TTLL8: variants seen among roughly 807,000 people sequenced by gnomAD.
The protein encoded by TTLL8 is protein monoglycylase TTLL8.
TTLL8 carries 65 observed loss-of-function variants against 77.8 expected under a neutral mutation model. That is an observed-to-expected ratio of 0.84 (90% CI 0.68 to 1.03). TTLL8 has a LOEUF of 1.03. Ranked by LOEUF, TTLL8 falls within the 50% of genes least tolerant of loss-of-function variation. The probability of loss-of-function intolerance (pLI) is 0.00; values close to 1 mark genes in which losing one functional copy is unlikely to be tolerated. For synonymous variants in TTLL8, 402 were observed against 422.8 expected (o/e 0.95, Z 0.60); for missense variants, 910 against 1,004.5 (o/e 0.91, Z 1.27).
chr22:50,045,424 G>A (rs772154696), intron 5 of TTLL8, 35 bp from the exon 8 acceptor site: 9 of 1,357,996 alleles, frequency 6.6e-6, no homozygotes, highest in Admixed American at 1.9e-5. Flanking sequence ...CTATCTGTCC[G>A]AGCCAGGACT....
chr22:50,019,408 G>T (rs1168501785), intron 12 of TTLL8, among the ~76,000 whole-genome samples: 1 of 152,226 alleles, frequency 6.6e-6, no homozygotes, highest in East Asian at 1.9e-4. Context: ...ACGCATGTGT[G>T]CTCCCCTCCT....
intron 1 of TTLL8, among the ~76,000 whole-genome samples, chr22:50,053,383 A>G (rs1401592549): frequency 6.6e-6 from 1 of 152,220 alleles, no homozygotes; most frequent in Non-Finnish European, 1.5e-5. Flanking sequence ...ATATAACTAC[A>G]AAAAAGTAAC....
chr22:50,040,268 G>A (rs568684265), intron 8 of TTLL8, among the ~76,000 whole-genome samples: 30 of 150,430 alleles, frequency 2.0e-4, no homozygotes, highest in Admixed American at 6.6e-4. Flanking sequence ...TCCCACATGT[G>A]CCAGCATGGA....
chr22:50,028,539 A>C (rs1404137395), intron 12 of TTLL8, among the ~76,000 whole-genome samples: 2 of 151,984 alleles, frequency 1.3e-5, no homozygotes, highest in African/African-American at 4.8e-5. Flanking sequence ...CGCAGTGGGA[A>C]TCAGGGAGGC....
intron 8 of TTLL8, among the ~76,000 whole-genome samples, chr22:50,035,837 A>G (rs561047393): frequency 6.6e-6 from 1 of 152,320 alleles, no homozygotes; most frequent in East Asian, 1.9e-4. Flanking sequence ...AATCCCTCAC[A>G]GCCTCCCAGG....
At chr22:50,019,738 C>T (rs2061184341) in intron 12 of TTLL8, among the ~76,000 whole-genome samples, 1 of 152,216 alleles carries the variant, frequency 6.6e-6, no homozygotes, top group African/African-American at 2.4e-5. Flanking sequence ...CCTTCTCGGA[C>T]TCCTGAGCCA....
At chr22:50,033,875 A>G (rs1221400803) in intron 9 of TTLL8, among the ~76,000 whole-genome samples, 2 of 152,098 alleles carry the variant, frequency 1.3e-5, no homozygotes, top group African/African-American at 4.8e-5. Context: ...TCTCTACTAA[A>G]AATACAAAAA....
chr22:50,032,555 G>A (rs1437940286), intron 10 of TTLL8, among the ~76,000 whole-genome samples: 2 of 152,202 alleles, frequency 1.3e-5, no homozygotes, highest in Non-Finnish European at 2.9e-5. Flanking sequence ...CGCTCGCCTG[G>A]GCCGGAGTTA....
chr22:50,031,064 CCCA>C, intron 11 of TTLL8, 139 bp from the exon 13 acceptor site: 2 of 724,108 alleles, frequency 2.8e-6, no homozygotes, highest in Non-Finnish European at 3.8e-6. Context: ...CACCTGGGGT[CCCA>C]CGCAGACCCC....
chr22:50,052,509 C>T (rs1191016376), intron 1 of TTLL8, among the ~76,000 whole-genome samples: 2 of 152,126 alleles, frequency 1.3e-5, no homozygotes, highest in Admixed American at 6.5e-5. Flanking sequence ...ATGAAGATAA[C>T]AGACACACCT....
At chr22:50,051,340 T>C (rs941458771) in intron 1 of TTLL8, among the ~76,000 whole-genome samples, 6 of 152,248 alleles carry the variant, frequency 3.9e-5, no homozygotes, top group African/African-American at 1.2e-4. Context: ...TTCAGCTCCA[T>C]CCAGGTTGCT....
chr22:50,055,558 G>C (rs775512823), upstream of TTLL8, among the ~76,000 whole-genome samples: 32 of 152,142 alleles, frequency 2.1e-4, no homozygotes, highest in Middle Eastern at 3.4e-3. Context: ...GGAAGGCTGA[G>C]GCAGGCGAAT....
chr22:50,031,710 G>A (rs1474522266), exon 11 of TTLL8: 3 of 1,324,338 alleles, frequency 2.3e-6, no homozygotes, highest in Non-Finnish European at 3.0e-6. Flanking sequence ...GCTCGAAGTT[G>A]CCGATGTCAC....
At chr22:50,024,560 G>T (rs1437397175) in intron 12 of TTLL8, among the ~76,000 whole-genome samples, 2 of 152,220 alleles carry the variant, frequency 1.3e-5, no homozygotes, top group Non-Finnish European at 2.9e-5. Context: ...TGGGAGGAAG[G>T]ATGGTCTTTT....
intron 8 of TTLL8, among the ~76,000 whole-genome samples, chr22:50,037,344 A>G (rs1465528892): frequency 6.6e-6 from 1 of 151,840 alleles, no homozygotes; most frequent in Admixed American, 6.6e-5. Flanking sequence ...AGTAGCTGGG[A>G]CTACAGGCAC....
chr22:50,049,804 C>A (rs566550654), intron 2 of TTLL8, among the ~76,000 whole-genome samples: 84 of 152,194 alleles, frequency 5.5e-4, no homozygotes, highest in African/African-American at 2.0e-3. Flanking sequence ...GGACCTGGGG[C>A]TGGAGGAGGG....
chr22:50,026,255 G>A (rs1031735172), intron 12 of TTLL8, among the ~76,000 whole-genome samples: 12 of 151,956 alleles, frequency 7.9e-5, no homozygotes, highest in African/African-American at 2.4e-4. Flanking sequence ...GGTCAGACAC[G>A]GAAATACACC....
intron 1 of TTLL8, among the ~76,000 whole-genome samples, chr22:50,053,240 C>T (rs1188949517): frequency 7.4e-6 from 1 of 135,674 alleles, no homozygotes; most frequent in African/African-American, 2.9e-5. Context: ...AAAAAAAAAG[C>T]ACACTCTACA....
intron 12 of TTLL8, among the ~76,000 whole-genome samples, chr22:50,025,983 C>T (rs895079363): frequency 6.6e-6 from 1 of 152,164 alleles, no homozygotes; most frequent in Non-Finnish European, 1.5e-5. Flanking sequence ...TCTTCTAAAG[C>T]AAAACCCAAG....
Sources: gnomAD v4.1 joint callset for allele counts (sites outside exome capture counted in the v4.1 genomes callset) on GRCh38, gnomAD v4.1.1 for gene constraint, MANE v1.5 for transcripts, NCBI Gene and HGNC (gene_info 2026-07-23, HGNC 2026-07-21) for gene names.